FAM107B: variants seen among roughly 807,000 people sequenced by gnomAD.
FAM107B encodes protein FAM107B.
A neutral mutation model predicts 31.5 loss-of-function variants in FAM107B; 21 were observed. That is an observed-to-expected ratio of 0.67 (90% CI 0.47 to 0.96). The LOEUF is 0.96. Ranked by LOEUF, FAM107B falls within the 40% of genes least tolerant of loss-of-function variation. FAM107B has a pLI of 0.00. For synonymous variants in FAM107B, 157 were observed against 141.5 expected, an observed-to-expected ratio of 1.11 and a Z score of -0.78; for missense variants, 452 against 377.1, an observed-to-expected ratio of 1.20 and a Z score of -1.64.
chr10:14,539,389 A>C (rs1346213452), intron 2 of FAM107B, among the ~76,000 whole-genome samples: 1 of 152,222 alleles, frequency 6.6e-6, no homozygotes, highest in Non-Finnish European at 1.5e-5. Context: ...TACTCCTGCA[A>C]CTAAATTTCT....
intron 2 of FAM107B, among the ~76,000 whole-genome samples, chr10:14,543,930 T>C (rs1848473040): frequency 6.6e-6 from 1 of 152,138 alleles, no homozygotes; most frequent in South Asian, 2.1e-4. Flanking sequence ...GACTGACCTG[T>C]GGAGGGCCCC....
At chr10:14,585,099 T>C (rs1851780336) in intron 2 of FAM107B, among the ~76,000 whole-genome samples, 1 of 152,214 alleles carries the variant, frequency 6.6e-6, no homozygotes, top group Non-Finnish European at 1.5e-5. Context: ...TAGAGGGTAT[T>C]TAAACCCAAG....
rs540382984 is a variant in FAM107B at position 14,763,383 on chromosome 10, C to T, written c.411+10870G>A. Among the ~76,000 whole-genome samples the T allele has an allele frequency of 3.9e-5, 6 of 152,334 alleles. No individual in the cohort carries two copies. In the South Asian group the frequency reaches 6.2e-4, roughly 16 times the overall value. On this transcript the variant is annotated intron_variant, in intron 1 of 4. Transcript: ENST00000181796. Reference sequence around the variant, plus strand: ...ATGTTTGTACTTGTGGCAGAATTCACGTGAGACATTCTCTATTGCAACGTA... The same window carrying T: ...ATGTTTGTACTTGTGGCAGAATTCATGTGAGACATTCTCTATTGCAACGTA...
intron 2 of FAM107B, chr10:14,548,713 C>T (rs540398443): frequency 3.1e-6 from 3 of 953,120 alleles, no homozygotes; most frequent in South Asian, 9.7e-5. Context: ...CACATGACCA[C>T]TCTAGCCGCA....
chr10:14,548,173 G>T (rs1054520148), intron 2 of FAM107B, among the ~76,000 whole-genome samples: 1 of 152,180 alleles, frequency 6.6e-6, no homozygotes, highest in Non-Finnish European at 1.5e-5. Context: ...TGTCTCCTAC[G>T]GGGGAGCACA....
chr10:14,530,540 T>C (rs751785254), intron 2 of FAM107B, 25 bp from the exon 3 acceptor site: 2 of 1,607,664 alleles, frequency 1.2e-6, no homozygotes. Flanking sequence ...TGAGAAACAC[T>C]CATTTGCAGT....
At chr10:14,726,405 G>A (rs2131555162) in intron 1 of FAM107B, among the ~76,000 whole-genome samples, 1 of 152,324 alleles carries the variant, frequency 6.6e-6, no homozygotes, top group East Asian at 1.9e-4. Flanking sequence ...GAGCCGAGCA[G>A]AACAGGTGCA....
chr10:14,601,668 C>G (rs1852403530), intron 2 of FAM107B, among the ~76,000 whole-genome samples: 1 of 152,178 alleles, frequency 6.6e-6, no homozygotes, highest in Non-Finnish European at 1.5e-5. Context: ...CCGGGGACTT[C>G]TACAAATGCC....
intron 1 of FAM107B, among the ~76,000 whole-genome samples, chr10:14,692,790 T>C (rs1022526447): frequency 6.6e-6 from 1 of 152,224 alleles, no homozygotes; most frequent in African/African-American, 2.4e-5. Flanking sequence ...GAATGAACGT[T>C]GTCTTGCTGC....
chr10:14,768,722 T>C lies in FAM107B; in HGVS notation c.411+5531A>G, dbSNP rs540834663. On this transcript the variant is annotated intron_variant, in intron 1 of 4. Coordinates refer to ENST00000181796, the MANE Select transcript of FAM107B (RefSeq NM_031453.4). ...ATAAAATGAATCACTCTCCTTCCTCTAAGTCCATGCTTTCCAACAAATTTT... is the reference window on the plus strand; with the variant it reads ...ATAAAATGAATCACTCTCCTTCCTCCAAGTCCATGCTTTCCAACAAATTTT... 9.2e-5 allele frequency among the ~76,000 whole-genome samples: 14 copies of C among 152,386 alleles called. No homozygotes were observed. The East Asian group carries it at 1.2e-3, about 13-fold the overall frequency.
intron 2 of FAM107B, among the ~76,000 whole-genome samples, chr10:14,589,591 G>A (rs1386855425): frequency 1.3e-5 from 2 of 152,086 alleles, no homozygotes; most frequent in Non-Finnish European, 2.9e-5. Context: ...AGGAAGAAAT[G>A]AATGACTGAA....
chr10:14,533,697 T>C (rs1444476019), intron 2 of FAM107B, among the ~76,000 whole-genome samples: 1 of 152,194 alleles, frequency 6.6e-6, no homozygotes. Flanking sequence ...AGTGTTGAGG[T>C]GCAAACATGA....
intron 2 of FAM107B, among the ~76,000 whole-genome samples, chr10:14,626,871 G>A (rs188172189): frequency 1.8e-4 from 27 of 152,174 alleles, no homozygotes; most frequent in African/African-American, 5.5e-4. Context: ...GCACATTGTC[G>A]ATGGCCTCTG....
chr10:14,630,549 T>C (rs1262590468), intron 2 of FAM107B, among the ~76,000 whole-genome samples: 1 of 152,134 alleles, frequency 6.6e-6, no homozygotes, highest in Non-Finnish European at 1.5e-5. Flanking sequence ...AAAATCACAT[T>C]GGGCTGGTCC....
chr10:14,629,435 T>TAA (rs1422259743), intron 2 of FAM107B, among the ~76,000 whole-genome samples: 2 of 10,974 alleles, frequency 1.8e-4, no homozygotes, highest in African/African-American at 1.1e-3. Flanking sequence ...ATAATATATA[T>TAA]TATATATATA....
intron 2 of FAM107B, among the ~76,000 whole-genome samples, chr10:14,631,135 C>A (rs535336131): frequency 6.6e-6 from 1 of 152,108 alleles, no homozygotes; most frequent in Non-Finnish European, 1.5e-5. Flanking sequence ...CTTTTCTCCC[C>A]GGGACAGTTT....
At chr10:14,523,721 C>T (rs189606647) in intron 3 of FAM107B, among the ~76,000 whole-genome samples, 19 of 152,334 alleles carry the variant, frequency 1.2e-4, no homozygotes. Flanking sequence ...CACACAATCA[C>T]ATCTGTAAAC....
chr10:14,697,633 A>G (rs1430990499), intron 1 of FAM107B, among the ~76,000 whole-genome samples: 1 of 152,222 alleles, frequency 6.6e-6, no homozygotes, highest in Non-Finnish European at 1.5e-5. Flanking sequence ...CTTGAAAGCT[A>G]TTTTATTCCT....
In FAM107B at chr10:14,728,050, C is replaced by T. The variant is rs553993642; in HGVS notation, c.411+46203G>A. ...CTTATTCACTGCCACCCTCCTCCCC[C>T]CATACATTTATGGAGTAAGGAAGCC... On this transcript the variant is annotated intron_variant, in intron 1 of 4. Coordinates refer to ENST00000181796, the MANE Select transcript of FAM107B (RefSeq NM_031453.4). Among the ~76,000 whole-genome samples, 5 of 152,266 alleles carry T rather than the reference C, an allele frequency of 3.3e-5. No homozygotes were observed. In the South Asian group the frequency reaches 1.0e-3, roughly 32 times the overall value.
Sources: gnomAD v4.1 joint callset for allele counts (sites outside exome capture counted in the v4.1 genomes callset) on GRCh38, gnomAD v4.1.1 for gene constraint, MANE v1.5 for transcripts, NCBI Gene and HGNC (gene_info 2026-07-23, HGNC 2026-07-21) for gene names.